Variants in CENPE observed in about 807,000 individuals in gnomAD.
CENPE encodes the protein centromere protein E, also known as centromere-associated protein E.
CENPE carries 145 observed loss-of-function variants against 336.1 expected under a neutral mutation model. The ratio of observed to expected loss-of-function variants is 0.43; its 90% CI spans 0.38 to 0.50. The LOEUF (loss-of-function observed/expected upper bound fraction) is 0.50, where lower values mean the gene tolerates loss of function less well. Among genes scored for constraint, CENPE ranks in the 20% least tolerant of loss-of-function variants. CENPE has a pLI of 0.00. For missense variants in CENPE, 2,719 were observed against 3,023.3 expected (o/e 0.90, Z 2.36); for synonymous variants, 1,013 against 984.8 (o/e 1.03, Z -0.54).
chr4:103,123,843 T>C (rs1560600836), intron 42 of CENPE, among the ~76,000 whole-genome samples: 1 of 152,212 alleles, frequency 6.6e-6, no homozygotes, highest in Non-Finnish European at 1.5e-5. Context: ...GATTTATTCA[T>C]GGATTCAGGA....
chr4:103,137,734 C>G (rs1037957479), intron 39 of CENPE, among the ~76,000 whole-genome samples: 11 of 152,154 alleles, frequency 7.2e-5, no homozygotes, highest in African/African-American at 2.2e-4. Flanking sequence ...CTATTGCTCC[C>G]TCTCTGGGCC....
Position 103,145,299 on chromosome 4 carries a change from A to C in CENPE, c.4608T>G (p.Asn1536Lys). 1 of 1,589,474 alleles carries C rather than the reference A, an allele frequency of 6.3e-7. No homozygotes were observed. The highest frequency in any genetic ancestry group is 8.6e-7 in the Non-Finnish European group (1 of 1,162,528). Residue 1536 changes from asparagine to lysine, a missense_variant, in exon 32 of 49, where the codon AAT becomes AAG. By Grantham distance (94) the Asn-to-Lys change is moderately conservative (BLOSUM62 0). This residue lies in a region of CENPE where 2,437 missense variants were observed against 2,513.3 expected (regional missense o/e 0.97). Coordinates refer to ENST00000265148, the MANE Select transcript of CENPE (RefSeq NM_001813.3). ...QEIYEKEEQF[N>K]IKQISEVQEK... ...CCTGAACCTCACTAATTTGTTTTAT[A>C]TTAAATTGTTCCTCTTTCTCATAAA...
intron 16 of CENPE, among the ~76,000 whole-genome samples, chr4:103,172,703 C>G (rs543091774): frequency 6.6e-6 from 1 of 152,062 alleles, no homozygotes; most frequent in African/African-American, 2.4e-5. Flanking sequence ...ACCCTAAGGA[C>G]TCCATCCAAA....
At chr4:103,160,168 A>G (rs1030243648) in intron 21 of CENPE, among the ~76,000 whole-genome samples, 1 of 152,008 alleles carries the variant, frequency 6.6e-6, no homozygotes, top group African/African-American at 2.4e-5. Context: ...ACAAGTAGAA[A>G]GAAAAACTGG....
chr4:103,111,292 C>T (rs1749395863), intron 46 of CENPE, among the ~76,000 whole-genome samples: 1 of 152,198 alleles, frequency 6.6e-6, no homozygotes, highest in South Asian at 2.1e-4. Flanking sequence ...AATAGCAATC[C>T]TCTCCACTTA....
At chr4:103,163,866 G>A (rs1409588418) in intron 16 of CENPE, among the ~76,000 whole-genome samples, 1 of 152,052 alleles carries the variant, frequency 6.6e-6, no homozygotes, top group African/African-American at 2.4e-5. Context: ...TGCACTACTT[G>A]GAGGAGAGAT....
intron 44 of CENPE, among the ~76,000 whole-genome samples, chr4:103,117,690 C>T (rs918960992): frequency 7.1e-6 from 1 of 140,128 alleles, no homozygotes; most frequent in Non-Finnish European, 1.5e-5. Context: ...TGCAGTGGTG[C>T]GATCTCGGCT....
At chr4:103,120,517 G>A (rs1394289991) in intron 43 of CENPE, among the ~76,000 whole-genome samples, 184 bp from the exon 44 acceptor site, 1 of 152,160 alleles carries the variant, frequency 6.6e-6, no homozygotes, top group Non-Finnish European at 1.5e-5. Flanking sequence ...TTTAGATGAT[G>A]ATTTTTGGAT....
intron 8 of CENPE, among the ~76,000 whole-genome samples, chr4:103,193,081 T>C (rs1210172889): frequency 6.6e-6 from 1 of 152,020 alleles, no homozygotes; most frequent in Admixed American, 6.6e-5. Flanking sequence ...TAGAGACTTC[T>C]TTCCAAGAAG....
intron 46 of CENPE, among the ~76,000 whole-genome samples, 187 bp downstream of exon 46, chr4:103,114,268 T>C (rs1413496385): frequency 6.6e-6 from 1 of 152,152 alleles, no homozygotes; most frequent in East Asian, 1.9e-4. Context: ...GATAAGCATC[T>C]AAGATTACAA....
chr4:103,144,961 A>G, intron 32 of CENPE, 89 bp downstream of exon 32: 1 of 1,239,396 alleles, frequency 8.1e-7, no homozygotes, highest in Admixed American at 2.7e-5. Flanking sequence ...GATTAGAGGA[A>G]AATTAATAAA....
chr4:103,122,787 C>A, intron 43 of CENPE, 84 bp downstream of exon 43: 1 of 975,020 alleles, frequency 1.0e-6, no homozygotes, highest in Non-Finnish European at 1.6e-6. Context: ...TGTTCATGTT[C>A]AGTAATAAGT....
At chr4:103,124,647 C>A (rs1478289814) in intron 42 of CENPE, among the ~76,000 whole-genome samples, 1 of 152,184 alleles carries the variant, frequency 6.6e-6, no homozygotes, top group Non-Finnish European at 1.5e-5. Context: ...AATAACAATA[C>A]TCTTTTATAT....
intron 28 of CENPE, 34 bp downstream of exon 28, chr4:103,148,810 A>G (rs1347586234): frequency 6.3e-7 from 1 of 1,581,212 alleles, no homozygotes; most frequent in African/African-American, 1.4e-5. Flanking sequence ...AGGAAGGAAG[A>G]AGTGACAAAG....
intron 11 of CENPE, chr4:103,181,664 A>G (rs1756337796): frequency 2.9e-6 from 1 of 347,650 alleles, no homozygotes. Context: ...AGAATAAAAA[A>G]GATATATTGA....
At chr4:103,182,561 G>T (rs945994980) in intron 11 of CENPE, among the ~76,000 whole-genome samples, 1 of 152,070 alleles carries the variant, frequency 6.6e-6, no homozygotes, top group Non-Finnish European at 1.5e-5. Context: ...AAATAGTGTT[G>T]GGTGTGGCAA....
chr4:103,180,428 T>C lies in CENPE; in HGVS notation c.1125A>G (p.Gln375=). The stretch of plus-strand genomic sequence containing the variant: ...CTTTTTCTTCCAAAAGTTGGGCCAA[T>C]TGGTCTTTTTCCATTGCCTGAGCCC... The part of the protein sequence containing the change: ...ETRAQAMEKD[Q]LAQLLEEKDL... The change falls in exon 13 of 49, where the codon CAA becomes CAG. Residue 375 remains glutamine, a synonymous_variant. Transcript: ENST00000265148. The C allele has an allele frequency of 6.2e-7, 1 of 1,612,854 alleles. No individual in the cohort carries two copies. The highest frequency in any genetic ancestry group is 2.2e-5 in the East Asian group (1 of 44,806).
At chr4:103,120,835 A>G (rs1208002379) in intron 43 of CENPE, among the ~76,000 whole-genome samples, 2 of 151,926 alleles carry the variant, frequency 1.3e-5, no homozygotes, top group African/African-American at 4.8e-5. Context: ...TCCTGGATTC[A>G]AGCGATTGTC....
At chr4:103,163,626 G>C in intron 16 of CENPE, 73 bp from the exon 17 acceptor site, 1 of 562,706 alleles carries the variant, frequency 1.8e-6, no homozygotes. Flanking sequence ...AAAAAAAAAA[G>C]AAAAAGAAAA....
Sources: gnomAD v4.1 joint callset for allele counts (sites outside exome capture counted in the v4.1 genomes callset) on GRCh38, gnomAD v4.1.1 for gene constraint, gnomAD v4.1.1 regional missense constraint, MANE v1.5 for transcripts, NCBI Gene and HGNC (gene_info 2026-07-23, HGNC 2026-07-21) for gene names.